CAPN14: variants seen among roughly 807,000 people sequenced by gnomAD.
The protein encoded by CAPN14 is calpain-14.
A neutral mutation model predicts 101.3 loss-of-function variants in CAPN14; 94 were observed. The ratio of observed to expected loss-of-function variants is 0.93; its 90% CI spans 0.79 to 1.10. The LOEUF is 1.10. CAPN14 is among the 50% of genes least tolerant of loss of function. CAPN14 has a pLI of 0.00. For synonymous variants in CAPN14, 338 were observed against 317.9 expected, an observed-to-expected ratio of 1.06 and a Z score of -0.67; for missense variants, 837 against 828.4, an observed-to-expected ratio of 1.01 and a Z score of -0.13.
At chr2:31,225,780 C>T (rs1242053268) in intron 2 of CAPN14, among the ~76,000 whole-genome samples, 1 of 151,796 alleles carries the variant, frequency 6.6e-6, no homozygotes, top group Admixed American at 6.6e-5. Flanking sequence ...GGGAAAAGAT[C>T]AGATGGTAAG....
At chr2:31,212,480 T>C (rs376480214) in intron 1 of CAPN14, among the ~76,000 whole-genome samples, 2 of 152,266 alleles carry the variant, frequency 1.3e-5, no homozygotes, top group African/African-American at 4.8e-5. Context: ...CTGCCTTGAT[T>C]TGGAAAAATA....
intron 16 of CAPN14, among the ~76,000 whole-genome samples, chr2:31,183,510 T>A (rs1680752201): frequency 6.6e-6 from 1 of 151,574 alleles, no homozygotes; most frequent in African/African-American, 2.4e-5. Flanking sequence ...AACAACCCCA[T>A]CAAAAAGTGG....
At position 31,230,526 on chromosome 2, in the gene CAPN14, T is replaced by A. The variant is rs923382071; in HGVS notation, c.-177+3265A>T. ...CTCTACATCCTCACCAACCCTACCA[T>A]CCAACTTTTTATTCTTGCCATTTTG... On this transcript the variant is annotated intron_variant and NMD_transcript_variant, in intron 1 of 21. Transcript: ENST00000398824. The surrounding 1 kb of genome is among the most constrained non-coding windows in gnomAD (Gnocchi z 4.3). 1.3e-5 allele frequency among the ~76,000 whole-genome samples: 2 copies of A among 152,234 alleles called. No homozygotes were observed. Among genetic ancestry groups the A allele is most frequent in the African/African-American group, 4.8e-5 (2 of 41,468 alleles).
rs1682143879 is a variant in CAPN14, at chr2:31,207,219, C to T, written c.-52-1720G>A. Among the ~76,000 whole-genome samples, 3 of 152,114 alleles carry T rather than the reference C, an allele frequency of 2.0e-5. No homozygotes were observed. In the South Asian group the frequency reaches 6.2e-4, roughly 32 times the overall value. On this transcript the variant is annotated intron_variant, in intron 1 of 21. Coordinates refer to ENST00000403897, the MANE Select transcript of CAPN14 (RefSeq NM_001145122.2). Reference sequence around the variant, plus strand: ...GTCCTCTCCATTTGTCAAGGTCCTGCCCATCCCCCAAAGTCTAACTTGAGT... The same window carrying T: ...GTCCTCTCCATTTGTCAAGGTCCTGTCCATCCCCCAAAGTCTAACTTGAGT...
chr2:31,193,349 T>C, intron 9 of CAPN14, 55 bp from the exon 10 acceptor site: 6 of 1,515,608 alleles, frequency 4.0e-6, no homozygotes, highest in Non-Finnish European at 5.3e-6. Flanking sequence ...CGCCTAGTTA[T>C]CAGGACCCAT....
chr2:31,213,754 G>A (rs902969173), intron 1 of CAPN14, among the ~76,000 whole-genome samples: 2 of 152,166 alleles, frequency 1.3e-5, no homozygotes. Context: ...CTCTGCTAAA[G>A]TTTCACATCT....
Position 31,179,496 on chromosome 2 carries a change from G to C in CAPN14, c.1711-917C>G, listed in dbSNP as rs181305287. On this transcript the variant is annotated intron_variant, in intron 17 of 21. Coordinates refer to ENST00000403897, the MANE Select transcript of CAPN14 (RefSeq NM_001145122.2). ...TGAGGGACATTTGGATTGGTTCCAA[G>C]CCTTTGCTATTGTGAATAGTGCCGC... Among the ~76,000 whole-genome samples, 547 of 152,258 alleles carry C rather than the reference G, an allele frequency of 3.6e-3. 2 individuals are homozygous for C. The highest frequency in any genetic ancestry group is 0.013 in the African/African-American group (522 of 41,522).
intron 20 of CAPN14, 146 bp from the exon 21 acceptor site, chr2:31,176,788 C>T: frequency 1.3e-6 from 1 of 769,172 alleles, no homozygotes; most frequent in Non-Finnish European, 2.2e-6. Flanking sequence ...CCACACGCAG[C>T]CACATCTATG....
At position 31,178,515 on chromosome 2, in the gene CAPN14, G is replaced by C. The variant is rs1342007303; in HGVS notation, c.1775C>G (p.Ser592Cys). The C allele has an allele frequency of 1.3e-6, 2 of 1,550,670 alleles. No individual in the cohort carries two copies. The highest frequency in any genetic ancestry group is 1.7e-6 in the Non-Finnish European group (2 of 1,146,392). The change falls in exon 18 of 22, where the codon TCT (serine) becomes TGT (cysteine). Residue 592 changes from serine to cysteine, a missense_variant. Physicochemically the swap from Ser to Cys is moderately radical, Grantham distance 112. Coordinates refer to ENST00000403897, the MANE Select transcript of CAPN14 (RefSeq NM_001145122.2). The stretch of plus-strand genomic sequence containing the variant: ...GTGGTTAAGACTTGTTCTTACCTGA[G>C]AGAGCTTCAGCTGCTTCCACAGGTC... The part of the protein sequence containing the change: ...FRDLWKQLKL[S>C]QKVFHKQDRG...
chr2:31,194,605 T>C, intron 8 of CAPN14, 122 bp from the exon 9 acceptor site: 1 of 678,058 alleles, frequency 1.5e-6, no homozygotes, highest in South Asian at 1.7e-5. Flanking sequence ...AAATTTCCCA[T>C]TCCATATTAT....
At position 31,193,254 on chromosome 2, in the gene CAPN14, C is replaced by A. The variant is rs183489015; in HGVS notation, c.991G>T (p.Val331Phe). The stretch of plus-strand genomic sequence containing the variant: ...AGGCCTGGGGTCAGTTTACAGATAA[C>A]CAGGAGCACGAAATGTGTTTTAAAG... ...QDFKTHFVLL[V>F]ICKLTPGLLS... is the part of the protein sequence containing the mutation. Residue 331 changes from valine (V) to phenylalanine (F), a missense_variant, in exon 10 of 22, where the codon GTT (valine) becomes TTT (phenylalanine). Transcript: ENST00000403897. 3.2e-6 allele frequency: 5 copies of A among 1,551,662 alleles called. No homozygotes were observed. The highest frequency in any genetic ancestry group is 2.0e-5 in the Admixed American group (1 of 50,982).
intron 21 of CAPN14, 139 bp from the exon 22 acceptor site, chr2:31,174,846 G>A: frequency 1.3e-6 from 1 of 765,046 alleles, no homozygotes; most frequent in Admixed American, 2.4e-5. Context: ...CATCCATTAG[G>A]AAGTATAAAT....
chr2:31,194,079 C>A (rs1280049534), intron 9 of CAPN14, among the ~76,000 whole-genome samples: 1 of 152,134 alleles, frequency 6.6e-6, no homozygotes, highest in African/African-American at 2.4e-5. Context: ...GCAGTCTCTT[C>A]CTACCTCATG....
In CAPN14 at chr2:31,200,452, C is replaced by G. The variant is rs1037415232; in HGVS notation, c.725G>C (p.Gly242Ala). ...CTGCCAGTGGCAGCCCAGTCTCACC[C>G]CTGAGTGGGTCTGGCAGCCAATGAG... ...RTLIGCQTHS[G>A]EKILENGLVE... is the part of the protein sequence containing the mutation. The change falls in exon 6 of 22, where the codon GGG (glycine) becomes GCG (alanine). Residue 242 changes from glycine (G) to alanine (A), a missense_variant and splice_region_variant. By Grantham distance (60) the Gly-to-Ala change is moderately conservative (BLOSUM62 0). Transcript: ENST00000403897. The G allele has an allele frequency of 6.5e-7, 1 of 1,548,600 alleles. No individual in the cohort carries two copies. The highest frequency in any genetic ancestry group is 1.4e-5 in the African/African-American group (1 of 73,054).
intron 1 of CAPN14, among the ~76,000 whole-genome samples, chr2:31,232,132 G>T (rs1208984062): frequency 6.6e-6 from 1 of 152,148 alleles, no homozygotes; most frequent in African/African-American, 2.4e-5. Flanking sequence ...TGAAGCTCCT[G>T]CAGGCACTTC....
chr2:31,208,053 T>C (rs1002802408), intron 1 of CAPN14, among the ~76,000 whole-genome samples: 3 of 152,120 alleles, frequency 2.0e-5, no homozygotes, highest in East Asian at 1.9e-4. Flanking sequence ...CTGGCTATTC[T>C]TATTTGTCAC....
At chr2:31,199,005 T>C (rs1035095647) in intron 7 of CAPN14, among the ~76,000 whole-genome samples, 23 of 152,216 alleles carry the variant, frequency 1.5e-4, no homozygotes, top group African/African-American at 5.5e-4. Flanking sequence ...TTTTCAGATA[T>C]GGTTTGTGAC....
In CAPN14 at chr2:31,179,839, A is replaced by T. The variant is rs182927159; in HGVS notation, c.1710+1097T>A. The stretch of plus-strand genomic sequence containing the variant: ...GTGATGATGAGCATTTTTTCATGTG[A>T]CTGTTGGCTGCATAAATGTCTTCTT... On this transcript the variant is annotated intron_variant, in intron 17 of 21. Coordinates refer to ENST00000403897, the MANE Select transcript of CAPN14 (RefSeq NM_001145122.2). 1.6e-3 allele frequency among the ~76,000 whole-genome samples: 245 copies of T among 152,204 alleles called. 1 individual carries two copies. The highest frequency in any genetic ancestry group is 5.2e-3 in the African/African-American group (215 of 41,528).
intron 17 of CAPN14, among the ~76,000 whole-genome samples, chr2:31,179,092 A>ATATATAT (rs1680461587): frequency 7.7e-6 from 1 of 129,418 alleles, no homozygotes; most frequent in African/African-American, 3.1e-5. Flanking sequence ...ATATATATAT[A>ATATATAT]CTTTAAGTTC....
Sources: allele counts gnomAD v4.1 joint callset (sites outside exome capture counted in the v4.1 genomes callset), GRCh38; gene constraint gnomAD v4.1.1; non-coding constraint Gnocchi (gnomAD v3.1); transcripts MANE v1.5; gene names NCBI Gene and HGNC (gene_info 2026-07-23, HGNC 2026-07-21).